The following HPSE2 variants were observed in gnomAD, a reference collection of about 807,000 sequenced individuals.
HPSE2 encodes the protein inactive heparanase-2.
A neutral mutation model predicts 60.5 loss-of-function variants in HPSE2; 38 were observed. The ratio of observed to expected loss-of-function variants is 0.63; its 90% CI spans 0.48 to 0.82. HPSE2 has a LOEUF of 0.82. Among genes scored for constraint, HPSE2 ranks in the 40% least tolerant of loss-of-function variants. The pLI, the probability that HPSE2 is intolerant of heterozygous loss-of-function variation, is 0.00. For synonymous variants in HPSE2, 295 were observed against 293.2 expected, an observed-to-expected ratio of 1.01 and a Z score of -0.06; for missense variants, 713 against 740.4, an observed-to-expected ratio of 0.96 and a Z score of 0.43.
intron 3 of HPSE2, among the ~76,000 whole-genome samples, chr10:99,124,918 A>G (rs768180453): frequency 7.9e-5 from 12 of 152,260 alleles, no homozygotes; most frequent in Non-Finnish European, 1.5e-4. Flanking sequence ...TGCAGCTGGC[A>G]TCTTCACAGC....
At chr10:98,587,897 A>G (rs1944981989) in intron 9 of HPSE2, among the ~76,000 whole-genome samples, 1 of 152,210 alleles carries the variant, frequency 6.6e-6, no homozygotes, top group Admixed American at 6.5e-5. Context: ...ATTGTAAAAT[A>G]TTTCACTGAA....
chr10:99,095,446 A>C (rs967069635), intron 3 of HPSE2, among the ~76,000 whole-genome samples: 2 of 152,194 alleles, frequency 1.3e-5, no homozygotes, highest in Admixed American at 1.3e-4. Flanking sequence ...AAACTGTAGA[A>C]TTCAATAGTT....
At chr10:99,050,811 G>A (rs1348281213) in intron 3 of HPSE2, among the ~76,000 whole-genome samples, 1 of 152,180 alleles carries the variant, frequency 6.6e-6, no homozygotes, top group Non-Finnish European at 1.5e-5. Context: ...CAGGGAAGCA[G>A]AGAGCAGACT....
the HPSE2 span, among the ~76,000 whole-genome samples, chr10:99,258,328 G>T: frequency 6.6e-6 from 1 of 151,842 alleles, no homozygotes; most frequent in Non-Finnish European, 1.5e-5. Context: ...CAAAAGATGT[G>T]CAAGACCTGA....
chr10:99,198,314 T>C (rs1184549919), intron 2 of HPSE2, among the ~76,000 whole-genome samples: 1 of 152,214 alleles, frequency 6.6e-6, no homozygotes. Flanking sequence ...ATATTAAATA[T>C]TTAGGACAGT....
chr10:98,746,888 T>C (rs1037753497), intron 3 of HPSE2, among the ~76,000 whole-genome samples: 5 of 151,900 alleles, frequency 3.3e-5, no homozygotes, highest in African/African-American at 9.7e-5. Flanking sequence ...AAAAAATAAA[T>C]AGGTTAAGAA....
At chr10:98,864,064 G>C (rs1416072143) in intron 3 of HPSE2, among the ~76,000 whole-genome samples, 1 of 152,014 alleles carries the variant, frequency 6.6e-6, no homozygotes, top group Non-Finnish European at 1.5e-5. Flanking sequence ...GAGATTCCCA[G>C]AAACCTCTAG....
intron 11 of HPSE2, among the ~76,000 whole-genome samples, chr10:98,473,412 G>A (rs186802705): frequency 4.0e-5 from 6 of 151,094 alleles, no homozygotes; most frequent in Admixed American, 1.3e-4. Context: ...TTGAACCAGG[G>A]AGGTGGAGGT....
intron 3 of HPSE2, among the ~76,000 whole-genome samples, chr10:98,999,352 G>C (rs1956725736): frequency 6.6e-6 from 1 of 152,120 alleles, no homozygotes; most frequent in Non-Finnish European, 1.5e-5. Flanking sequence ...CAATTTCCAG[G>C]TGCCTGAAGA....
At chr10:98,683,913 A>C (rs1947847987) in intron 6 of HPSE2, among the ~76,000 whole-genome samples, 1 of 152,198 alleles carries the variant, frequency 6.6e-6, no homozygotes, top group South Asian at 2.1e-4. Flanking sequence ...CAAGACAGAA[A>C]AAAAGCAGGA....
Position 98,459,357 on chromosome 10 carries a change from G to A in HPSE2, c.*217C>T. 1.6e-6 allele frequency: 1 copy of A among 628,504 alleles called. No homozygotes were observed. The highest frequency in any genetic ancestry group is 2.9e-6 in the Non-Finnish European group (1 of 346,652). The allele number at this position is 628,504 out of a possible 1,614,324, so 38.9% of individuals were successfully genotyped here. ...TGCCTTTATCCTTATATAGGTACAGGTGATGTCTACATTTTCCTTTGGGAT... is the reference window on the plus strand; with the variant it reads ...TGCCTTTATCCTTATATAGGTACAGATGATGTCTACATTTTCCTTTGGGAT... On this transcript the variant is annotated 3_prime_UTR_variant, in exon 12 of 12. Coordinates refer to ENST00000370552, the MANE Select transcript of HPSE2 (RefSeq NM_021828.5).
At chr10:98,894,414 A>G (rs556428700) in intron 3 of HPSE2, among the ~76,000 whole-genome samples, 16 of 152,316 alleles carry the variant, frequency 1.1e-4, no homozygotes, top group African/African-American at 3.6e-4. Flanking sequence ...AAAATTTAAA[A>G]TGAATCAAAC....
rs143171280 is a variant in HPSE2 at position 98,847,048 on chromosome 10, A to G, written c.611-102992T>C. Reference sequence around the variant, plus strand: ...GGAAGAGTACTGATGGGTGAAGTTAACCCAAGCTATCCTGGCATTGTCTGG... The same window carrying G: ...GGAAGAGTACTGATGGGTGAAGTTAGCCCAAGCTATCCTGGCATTGTCTGG... On this transcript the variant is annotated intron_variant, in intron 3 of 11. Transcript: ENST00000370552. Among the ~76,000 whole-genome samples the G allele has an allele frequency of 1.0e-3, 159 of 152,328 alleles. 1 individual carries two copies. The highest frequency in any genetic ancestry group is 3.7e-3 in the African/African-American group (154 of 41,574).
At chr10:98,510,988 C>T (rs1942371041) in intron 9 of HPSE2, among the ~76,000 whole-genome samples, 1 of 152,140 alleles carries the variant, frequency 6.6e-6, no homozygotes, top group East Asian at 1.9e-4. Flanking sequence ...AGAATTGAAA[C>T]ACATATTCAA....
intron 9 of HPSE2, among the ~76,000 whole-genome samples, chr10:98,529,507 T>C (rs139833472): frequency 3.9e-5 from 6 of 152,316 alleles, no homozygotes; most frequent in South Asian, 2.1e-4. Context: ...GTCAGGCAAA[T>C]AGGTTTCACT....
At chr10:99,248,470 C>G in the HPSE2 span, among the ~76,000 whole-genome samples, 1 of 152,172 alleles carries the variant, frequency 6.6e-6, no homozygotes, top group Non-Finnish European at 1.5e-5. Flanking sequence ...AAGATGTAGC[C>G]TGGCTGTTTC....
intron 3 of HPSE2, among the ~76,000 whole-genome samples, chr10:98,967,949 T>C (rs11189910): frequency 0.61 from 92,398 of 151,888 alleles, 29,901 homozygotes; most frequent in East Asian, 0.77. Context: ...AAGTCTGTTA[T>C]ACATATGACT....
chr10:99,164,659 A>T (rs879720347), intron 2 of HPSE2, among the ~76,000 whole-genome samples: 2 of 152,206 alleles, frequency 1.3e-5, no homozygotes, highest in Non-Finnish European at 2.9e-5. Flanking sequence ...TACACATATA[A>T]TATCTATATT....
intron 3 of HPSE2, among the ~76,000 whole-genome samples, chr10:98,791,817 A>G (rs1950661316): frequency 6.6e-6 from 1 of 152,226 alleles, no homozygotes; most frequent in South Asian, 2.1e-4. Context: ...CAGAGCCATG[A>G]GTCAAAGTTT....
Sources: gnomAD v4.1 joint callset for allele counts (sites outside exome capture counted in the v4.1 genomes callset) on GRCh38, gnomAD v4.1.1 for gene constraint, MANE v1.5 for transcripts, NCBI Gene and HGNC (gene_info 2026-07-23, HGNC 2026-07-21) for gene names.